Variants in KCNJ3 observed in about 807,000 individuals in gnomAD.
KCNJ3 encodes G protein-activated inward rectifier potassium channel 1.
In KCNJ3, 4 loss-of-function variants were observed where a neutral mutation model predicts 39.2. The ratio of observed to expected loss-of-function variants is 0.10; its 90% CI spans 0.05 to 0.23. KCNJ3 has a LOEUF of 0.23. KCNJ3 is among the 10% of genes least tolerant of loss of function. The pLI is 1.00. For synonymous variants in KCNJ3, 230 were observed against 237.4 expected, an observed-to-expected ratio of 0.97 and a Z score of 0.29; for missense variants, 276 against 634.9, an observed-to-expected ratio of 0.43 and a Z score of 6.08.
chr2:154,797,473 A>G (rs1686739711), intron 2 of KCNJ3, among the ~76,000 whole-genome samples: 2 of 152,172 alleles, frequency 1.3e-5, no homozygotes, highest in South Asian at 2.1e-4. Context: ...CCCACTGTCT[A>G]TAGTTTAGTG....
chr2:154,838,781 A>G (rs1687516743), intron 2 of KCNJ3, among the ~76,000 whole-genome samples: 1 of 152,202 alleles, frequency 6.6e-6, no homozygotes, highest in Admixed American at 6.5e-5. Flanking sequence ...GTATTTGATT[A>G]TTGTACTTTG....
chr2:154,743,738 A>AT (rs910306205), intron 2 of KCNJ3, among the ~76,000 whole-genome samples: 3 of 150,812 alleles, frequency 2.0e-5, no homozygotes, highest in South Asian at 2.1e-4. Flanking sequence ...AAAGGTTGCT[A>AT]TTTTTTTTAC....
chr2:154,812,455 C>G (rs1687021746), intron 2 of KCNJ3, among the ~76,000 whole-genome samples: 1 of 152,062 alleles, frequency 6.6e-6, no homozygotes, highest in Admixed American at 6.6e-5. Flanking sequence ...TTTAAAAAAT[C>G]TCTAGCTAAG....
intron 2 of KCNJ3, among the ~76,000 whole-genome samples, chr2:154,734,162 T>A (rs943378697): frequency 1.3e-5 from 2 of 152,168 alleles, no homozygotes; most frequent in African/African-American, 4.8e-5. Flanking sequence ...CCCACTTTCA[T>A]GAAAATTTGC....
intron 2 of KCNJ3, among the ~76,000 whole-genome samples, chr2:154,710,866 T>C (rs1317875987): frequency 6.6e-6 from 1 of 152,136 alleles, no homozygotes; most frequent in Non-Finnish European, 1.5e-5. Context: ...GTCCAAGTAA[T>C]AGAGGGAGGC....
intron 1 of KCNJ3, among the ~76,000 whole-genome samples, chr2:154,706,333 C>T (rs1198660705): frequency 1.3e-5 from 2 of 151,962 alleles, no homozygotes; most frequent in African/African-American, 2.4e-5. Context: ...TATCATAATG[C>T]TTAACATGAC....
At position 154,800,093 on chromosome 2, in the gene KCNJ3, G is replaced by A. The variant is rs16838220; in HGVS notation, c.920-54634G>A. On this transcript the variant is annotated intron_variant, in intron 2 of 2. Transcript: ENST00000295101. Reference sequence around the variant, plus strand: ...ACATCTGGACTCTACACTAAAGAGCGTGTTTTCATTACCCTTGATGCTCAA... The same window carrying A: ...ACATCTGGACTCTACACTAAAGAGCATGTTTTCATTACCCTTGATGCTCAA... Among the ~76,000 whole-genome samples the A allele has an allele frequency of 3.0e-3, 458 of 152,242 alleles. 4 individuals carry two copies. Among genetic ancestry groups the A allele is most frequent in the African/African-American group, 0.01 (433 of 41,562 alleles).
intron 2 of KCNJ3, among the ~76,000 whole-genome samples, chr2:154,735,357 G>A (rs2105170480): frequency 6.7e-6 from 1 of 150,024 alleles, no homozygotes; most frequent in African/African-American, 2.5e-5. Flanking sequence ...CTCGTGATCC[G>A]TCCGCCTCGG....
At chr2:154,802,674 T>C (rs1293259635) in intron 2 of KCNJ3, among the ~76,000 whole-genome samples, 1 of 152,168 alleles carries the variant, frequency 6.6e-6, no homozygotes, top group African/African-American at 2.4e-5. Context: ...AACTCATGGC[T>C]ATAAGAAATT....
intron 1 of KCNJ3, among the ~76,000 whole-genome samples, chr2:154,708,199 G>A (rs906413430): frequency 6.6e-6 from 1 of 151,968 alleles, no homozygotes; most frequent in Non-Finnish European, 1.5e-5. Flanking sequence ...AATAATATCC[G>A]TGAATATTTC....
At chr2:154,732,046 A>G (rs950234948) in intron 2 of KCNJ3, among the ~76,000 whole-genome samples, 1 of 152,094 alleles carries the variant, frequency 6.6e-6, no homozygotes, top group East Asian at 1.9e-4. Context: ...AAATGAGGAA[A>G]TGTCAGAATA....
chr2:154,788,052 C>G (rs1686565457), intron 2 of KCNJ3, among the ~76,000 whole-genome samples: 1 of 152,082 alleles, frequency 6.6e-6, no homozygotes. Flanking sequence ...AGTGGAACAG[C>G]TGATATTTCT....
At chr2:154,830,955 C>T (rs943701009) in intron 2 of KCNJ3, among the ~76,000 whole-genome samples, 1 of 152,128 alleles carries the variant, frequency 6.6e-6, no homozygotes, top group Non-Finnish European at 1.5e-5. Flanking sequence ...AGAAATTGTT[C>T]CTAGCCAGCC....
intron 2 of KCNJ3, among the ~76,000 whole-genome samples, chr2:154,833,250 G>T (rs1016364848): frequency 6.6e-6 from 1 of 152,192 alleles, no homozygotes; most frequent in Non-Finnish European, 1.5e-5. Context: ...TTAACTTAAA[G>T]AACAGAAATA....
chr2:154,791,569 C>A (rs1686635363), intron 2 of KCNJ3, among the ~76,000 whole-genome samples: 1 of 151,882 alleles, frequency 6.6e-6, no homozygotes, highest in African/African-American at 2.4e-5. Context: ...TGGATAGGTG[C>A]AAGAATTGGG....
chr2:154,798,832 A>T (rs1405936039), intron 2 of KCNJ3, among the ~76,000 whole-genome samples: 1 of 152,158 alleles, frequency 6.6e-6, no homozygotes, highest in Non-Finnish European at 1.5e-5. Flanking sequence ...TCATCCAGTT[A>T]TCCATTGATA....
chr2:154,778,132 C>T (rs574546055), intron 2 of KCNJ3, among the ~76,000 whole-genome samples: 9 of 152,056 alleles, frequency 5.9e-5, no homozygotes, highest in East Asian at 3.9e-4. Context: ...ATTGAAGAGT[C>T]CTTAGGTCTA....
At chr2:154,793,233 CCT>C (rs1686668630) in intron 2 of KCNJ3, among the ~76,000 whole-genome samples, 1 of 151,892 alleles carries the variant, frequency 6.6e-6, no homozygotes, top group Admixed American at 6.6e-5. Flanking sequence ...GTATTTTTTC[CCT>C]CTCTTTGAGG....
intron 2 of KCNJ3, among the ~76,000 whole-genome samples, chr2:154,795,779 T>C (rs1186511106): frequency 6.6e-6 from 1 of 152,098 alleles, no homozygotes; most frequent in Non-Finnish European, 1.5e-5. Context: ...TTTGCATTTC[T>C]TTGTGAAGTG....
Sources: allele counts gnomAD v4.1 joint callset (sites outside exome capture counted in the v4.1 genomes callset), GRCh38; gene constraint gnomAD v4.1.1; transcripts MANE v1.5; gene names NCBI Gene and HGNC (gene_info 2026-07-23, HGNC 2026-07-21).